The following EWSR1 variants were observed in gnomAD, a reference collection of about 807,000 sequenced individuals.
EWSR1 encodes the protein EWS RNA binding protein 1.
EWSR1 carries 14 observed loss-of-function variants against 92.1 expected under a neutral mutation model. The ratio of observed to expected loss-of-function variants is 0.15; its 90% CI spans 0.10 to 0.24. The LOEUF (loss-of-function observed/expected upper bound fraction) is 0.24, where lower values mean the gene tolerates loss of function less well. EWSR1 is among the 10% of genes least tolerant of loss of function. The pLI, the probability that EWSR1 is intolerant of heterozygous loss-of-function variation, is 1.00. For missense variants in EWSR1, 637 were observed against 870.9 expected (o/e 0.73, Z 3.38); for synonymous variants, 303 against 292.9 (o/e 1.03, Z -0.35).
chr22:29,276,441 T>C, intron 4 of EWSR1: 1 of 221,794 alleles, frequency 4.5e-6, no homozygotes, highest in Non-Finnish European at 9.0e-6. Flanking sequence ...TTCCTTTTAA[T>C]ATTTGAGGTA....
chr22:29,291,293 G>A (rs145835127), intron 8 of EWSR1: 417 of 392,678 alleles, frequency 1.1e-3, no homozygotes, highest in African/African-American at 7.1e-3. Context: ...ATTTTTTCTT[G>A]CTAATTTGCC....
In EWSR1 at chr22:29,298,743, C is replaced by CCCAGGAGGT; in HGVS notation, c.1431_1439dup (p.Gly481_Pro483dup). 1 of 1,613,168 alleles carries CCCAGGAGGT rather than the reference C, an allele frequency of 6.2e-7. No homozygotes were observed. The highest frequency in any genetic ancestry group is 1.1e-5 in the South Asian group (1 of 91,028). On this transcript the variant is annotated inframe_insertion, in exon 14 of 17. Coordinates refer to ENST00000397938, the MANE Select transcript of EWSR1 (RefSeq NM_005243.4). ...TTGTTCTTGTTGTAGGTCCAGGAGG[C>CCCAGGAGGT]CCAGGAGGTCCTGGGGGACCCATGG... is the stretch of plus-strand genomic sequence containing the variant.
At chr22:29,276,195 C>T (rs576243137) in intron 4 of EWSR1, 4 of 230,226 alleles carry the variant, frequency 1.7e-5, no homozygotes, top group Middle Eastern at 1.3e-3. Context: ...GGGGTGTAAT[C>T]GGTATATGAA....
intron 11 of EWSR1, among the ~76,000 whole-genome samples, chr22:29,295,290 A>G (rs2060767896): frequency 6.6e-6 from 1 of 152,116 alleles, no homozygotes; most frequent in African/African-American, 2.4e-5. Flanking sequence ...AGAAAGTAGT[A>G]TTTACCATCA....
At chr22:29,291,992 G>A in intron 9 of EWSR1, 145 bp from the exon 10 acceptor site, 2 of 750,070 alleles carry the variant, frequency 2.7e-6, no homozygotes, top group South Asian at 3.2e-5. Context: ...AAGAGACACT[G>A]CTCCATTTTA....
chr22:29,277,268 GGTAA>G lies in EWSR1; in HGVS notation c.227-756_227-753del, dbSNP rs894667945. ...GGAAAAAGGCCTTTTGCTTGTGGTA[GGTAA>G]GTAAGAGGAATGGAGCTGAGTAACT... On this transcript the variant is annotated intron_variant, in intron 4 of 16. Transcript: ENST00000397938. 2.2e-5 allele frequency: 5 copies of G among 227,072 alleles called. No individual in the cohort carries two copies. The Admixed American group carries it at 2.3e-4, about 10-fold the overall frequency. The allele number at this position is 227,072 out of a possible 1,614,324, so 14.1% of individuals were successfully genotyped here.
intron 7 of EWSR1, among the ~76,000 whole-genome samples, chr22:29,287,415 T>G: frequency 6.6e-6 from 1 of 152,104 alleles, no homozygotes; most frequent in South Asian, 2.1e-4. Context: ...ACCATGTTGG[T>G]CAGGCTGGTC....
At chr22:29,269,059 C>T (rs1361295210) in intron 1 of EWSR1, among the ~76,000 whole-genome samples, 2 of 152,194 alleles carry the variant, frequency 1.3e-5, no homozygotes, top group Admixed American at 6.5e-5. Flanking sequence ...CACGTCCTCC[C>T]CTCCCCCAAA....
chr22:29,279,183 C>CTT (rs1428008010), intron 5 of EWSR1, among the ~76,000 whole-genome samples: 1 of 152,026 alleles, frequency 6.6e-6, no homozygotes, highest in Non-Finnish European at 1.5e-5. Context: ...TAGAATTGTA[C>CTT]TTTTGAATTG....
At position 29,299,550 on chromosome 22, in the gene EWSR1, C is replaced by T. The variant is rs373295984; in HGVS notation, c.1679-49C>T. 2.0e-5 allele frequency: 31 copies of T among 1,544,144 alleles called. No homozygotes were observed. The African/African-American group carries it at 3.3e-4, about 16-fold the overall frequency. On this transcript the variant is annotated intron_variant, in intron 15 of 16. Transcript: ENST00000397938. ...AGCAGCTTCCACAGTGTCCACAGGG[C>T]CTCTGCAGCCACCCACTGACTGCTT...
At chr22:29,271,259 ATTAC>A (rs2058660392) in intron 1 of EWSR1, among the ~76,000 whole-genome samples, 1 of 152,194 alleles carries the variant, frequency 6.6e-6, no homozygotes, top group Non-Finnish European at 1.5e-5. Flanking sequence ...TTCAAAAATA[ATTAC>A]TTTAACTGCC....
intron 3 of EWSR1, 54 bp from the exon 4 acceptor site, chr22:29,273,687 T>TA: frequency 1.3e-6 from 2 of 1,580,670 alleles, no homozygotes; most frequent in Non-Finnish European, 1.7e-6. Context: ...ATTTTATTGC[T>TA]AAAATACAAA....
intron 5 of EWSR1, among the ~76,000 whole-genome samples, chr22:29,281,585 G>A (rs777610988): frequency 4.6e-5 from 7 of 151,046 alleles, no homozygotes; most frequent in Non-Finnish European, 7.4e-5. Context: ...GATTTTTTTT[G>A]TTTGTTTGTT....
chr22:29,296,834 G>C (rs763997562), intron 12 of EWSR1, among the ~76,000 whole-genome samples: 3 of 151,942 alleles, frequency 2.0e-5, no homozygotes, highest in Non-Finnish European at 4.4e-5. Context: ...TGAATCCAGG[G>C]GCTTGAGACC....
At chr22:29,281,236 A>C (rs1054908739) in intron 5 of EWSR1, among the ~76,000 whole-genome samples, 4 of 152,038 alleles carry the variant, frequency 2.6e-5, no homozygotes, top group African/African-American at 7.2e-5. Context: ...GCTGGTGTCC[A>C]ACTCCTGACA....
intron 4 of EWSR1, 93 bp downstream of exon 4, chr22:29,273,957 C>T: frequency 6.6e-7 from 1 of 1,504,756 alleles, no homozygotes; most frequent in South Asian, 1.2e-5. Context: ...ATATTCTGGT[C>T]CATACCTTGG....
At position 29,291,497 on chromosome 22, in the gene EWSR1, C is replaced by G. The variant is rs1002429535; in HGVS notation, c.975-65C>G. On this transcript the variant is annotated intron_variant, in intron 8 of 16. Coordinates refer to ENST00000397938, the MANE Select transcript of EWSR1 (RefSeq NM_005243.4). ...GTGCCCTTCTTCCCCACGAGCCCCC[C>G]CAAGGCTCAGAGCGGTACTGGCTTT... 83 of 1,532,698 alleles carry G rather than the reference C, an allele frequency of 5.4e-5. 1 individual carries two copies. Among genetic ancestry groups the G allele is most frequent in the Middle Eastern group, 1.7e-4 (1 of 5,828 alleles). The allele number at this position is 1,532,698 out of a possible 1,614,324, so 94.9% of individuals were successfully genotyped here.
At chr22:29,285,227 A>G (rs131184) in intron 6 of EWSR1, among the ~76,000 whole-genome samples, 17,584 of 148,352 alleles carry the variant, frequency 0.12, 1,265 homozygotes, top group Middle Eastern at 0.19. Context: ...AGGTTTAAAC[A>G]GTTCTCTTGC....
At chr22:29,297,630 G>A (rs2060969706) in intron 12 of EWSR1, among the ~76,000 whole-genome samples, 197 bp from the exon 13 acceptor site, 1 of 152,162 alleles carries the variant, frequency 6.6e-6, no homozygotes, top group South Asian at 2.1e-4. Context: ...GCAGTGAGCT[G>A]TGCCACTGCA....
Sources: allele counts gnomAD v4.1 joint callset (sites outside exome capture counted in the v4.1 genomes callset), GRCh38; gene constraint gnomAD v4.1.1; transcripts MANE v1.5; gene names NCBI Gene and HGNC (gene_info 2026-07-23, HGNC 2026-07-21).